Variants in PPP2R1B observed in about 807,000 individuals in gnomAD.
PPP2R1B encodes serine/threonine-protein phosphatase 2A 65 kDa regulatory subunit A beta isoform.
Under a neutral mutation model 72.7 loss-of-function variants are expected in PPP2R1B, and 58 were observed. The observed-to-expected ratio is 0.80, with a 90% CI of 0.65 to 0.99. The LOEUF (loss-of-function observed/expected upper bound fraction) is 0.99, where lower values mean the gene tolerates loss of function less well. Ranked by LOEUF, PPP2R1B falls within the 50% of genes least tolerant of loss-of-function variation. The probability of loss-of-function intolerance (pLI) is 0.00; values close to 1 mark genes in which losing one functional copy is unlikely to be tolerated. For missense variants in PPP2R1B, 695 were observed against 733.6 expected (o/e 0.95, Z 0.61); for synonymous variants, 256 against 264.6 (o/e 0.97, Z 0.32).
At chr11:111,726,880 G>T, downstream of PPP2R1B, 1 of 1,249,526 alleles carries the variant, frequency 8.0e-7, no homozygotes, top group African/African-American at 1.5e-5. Context: ...TTGGTGAGAT[G>T]AACGTGAGGT....
the PPP2R1B span, among the ~76,000 whole-genome samples, chr11:111,717,317 CAAAAAAAAAAA>C: frequency 2.0e-5 from 1 of 49,464 alleles, no homozygotes; most frequent in Non-Finnish European, 3.5e-5. Flanking sequence ...GACTCCGTCT[CAAAAAAAAAAA>C]AAAAAAAAAA....
At chr11:111,764,685 T>C in intron 3 of PPP2R1B, 120 bp downstream of exon 3, 4 of 963,294 alleles carry the variant, frequency 4.2e-6, no homozygotes, top group Non-Finnish European at 6.2e-6. Flanking sequence ...ACTAACATTA[T>C]GACTATCTGC....
chr11:111,752,765 G>C lies in PPP2R1B; in HGVS notation c.1165-433C>G, dbSNP rs558663582. Among the ~76,000 whole-genome samples, 11 of 152,210 alleles carry C rather than the reference G, an allele frequency of 7.2e-5. No homozygotes were observed. The South Asian group carries it at 2.1e-3, about 29-fold the overall frequency. Reference sequence around the variant, plus strand: ...CCGAGACGGGCAGATCACGAGGTCAGGAGATCGAGACCACAGTGAAACCCC... The same window carrying C: ...CCGAGACGGGCAGATCACGAGGTCACGAGATCGAGACCACAGTGAAACCCC... On this transcript the variant is annotated intron_variant, in intron 9 of 14. Transcript: ENST00000527614.
At chr11:111,742,897 T>C (rs77857216) in intron 12 of PPP2R1B, among the ~76,000 whole-genome samples, 1 of 151,768 alleles carries the variant, frequency 6.6e-6, no homozygotes, top group African/African-American at 2.4e-5. Flanking sequence ...TTTTTTTTTT[T>C]CAGGCGGAGT....
At chr11:111,758,901 A>T (rs1417755786) in intron 5 of PPP2R1B, among the ~76,000 whole-genome samples, 1 of 152,188 alleles carries the variant, frequency 6.6e-6, no homozygotes. Context: ...TAGGATTTAG[A>T]TCTTTAGATT....
In PPP2R1B at chr11:111,739,331, T is replaced by G. The variant is rs1944442045; in HGVS notation, c.*2265A>C. ...AAATCAAGATAGGAGAACTTTTCCC[T>G]TAAGTTTAAGGTAGTTAAAAAAAAA... On this transcript the variant is annotated 3_prime_UTR_variant, in exon 15 of 15. Transcript: ENST00000527614. The G allele has an allele frequency of 3.1e-6, 3 of 961,030 alleles. No individual in the cohort carries two copies. The highest frequency in any genetic ancestry group is 3.7e-6 in the Non-Finnish European group (3 of 819,516). 59.5% of individuals were successfully genotyped at this position (961,030 alleles called of 1,614,324 possible).
chr11:111,764,927 CTCA>C (rs1945466177), intron 2 of PPP2R1B, 22 bp from the exon 3 acceptor site: 1 of 1,612,150 alleles, frequency 6.2e-7, no homozygotes, highest in African/African-American at 1.3e-5. Flanking sequence ...AACAACAGGA[CTCA>C]TCAACATGGA....
At chr11:111,733,054 G>A (rs907259852), downstream of PPP2R1B, among the ~76,000 whole-genome samples, 2 of 152,198 alleles carry the variant, frequency 1.3e-5, no homozygotes, top group African/African-American at 4.8e-5. Context: ...CTCAGACACA[G>A]GGGCCACTGG....
At chr11:111,755,221 G>C in intron 6 of PPP2R1B, 74 bp downstream of exon 6, 1 of 1,542,694 alleles carries the variant, frequency 6.5e-7, no homozygotes, top group Non-Finnish European at 8.7e-7. Context: ...AATTAATTCA[G>C]AAACTTTGGG....
At chr11:111,766,107 T>G in intron 1 of PPP2R1B, 141 bp downstream of exon 1, 1 of 775,246 alleles carries the variant, frequency 1.3e-6, no homozygotes, top group Non-Finnish European at 2.1e-6. Flanking sequence ...TCGCGGAGCA[T>G]TCCCCGCCTC....
At chr11:111,747,876 CTG>C in intron 11 of PPP2R1B, 76 bp downstream of exon 11, 8 of 1,395,046 alleles carry the variant, frequency 5.7e-6, no homozygotes, top group Non-Finnish European at 6.0e-6. Context: ...TCTGGTCAGA[CTG>C]AGATTCCTTT....
the PPP2R1B span, among the ~76,000 whole-genome samples, chr11:111,715,802 T>C: frequency 7.1e-6 from 1 of 140,944 alleles, no homozygotes; most frequent in Non-Finnish European, 1.5e-5. Flanking sequence ...GCTTTTTTTT[T>C]TTTTTTTTTT....
the PPP2R1B span, among the ~76,000 whole-genome samples, chr11:111,717,862 A>T: frequency 1.3e-5 from 2 of 152,180 alleles, no homozygotes; most frequent in Admixed American, 1.3e-4. Flanking sequence ...GTTCTCACGT[A>T]TAAGTAGGAG....
At chr11:111,725,209 A>G (rs1322393199), downstream of PPP2R1B, 1 of 152,646 alleles carries the variant, frequency 6.6e-6, no homozygotes, top group Non-Finnish European at 1.5e-5. Context: ...TCTTTTCTGT[A>G]GAAACCAACA....
chr11:111,757,100 C>T (rs556139078), intron 5 of PPP2R1B, among the ~76,000 whole-genome samples: 7 of 114,334 alleles, frequency 6.1e-5, no homozygotes, highest in African/African-American at 2.4e-4. Context: ...GGTGACAGAG[C>T]AAAACTCCAA....
intron 5 of PPP2R1B, among the ~76,000 whole-genome samples, 185 bp downstream of exon 5, chr11:111,759,619 A>G (rs782284709): frequency 2.6e-5 from 4 of 152,216 alleles, no homozygotes; most frequent in Non-Finnish European, 4.4e-5. Flanking sequence ...GAGAGAAATC[A>G]TGGTCTGGTT....
Position 111,738,004 on chromosome 11 carries a change from T to C in PPP2R1B, c.*3592A>G. The C allele has an allele frequency of 9.9e-7, 1 of 1,008,694 alleles. No individual in the cohort carries two copies. Among genetic ancestry groups the C allele is most frequent in the East Asian group, 9.3e-5 (1 of 10,776 alleles). 62.5% of individuals were successfully genotyped at this position (1,008,694 alleles called of 1,614,324 possible). A position where few individuals can be genotyped will look rare whatever the true frequency, so the allele number is the denominator to read the frequency against. The stretch of plus-strand genomic sequence containing the variant: ...TCCATCCCAACTGAACGTTATGTAA[T>C]TTCCTGGAAACAGCAGGCTCGTGGA... On this transcript the variant is annotated 3_prime_UTR_variant, in exon 15 of 15. Transcript: ENST00000527614.
downstream of PPP2R1B, among the ~76,000 whole-genome samples, chr11:111,723,207 G>A: frequency 6.6e-6 from 1 of 152,166 alleles, no homozygotes; most frequent in Non-Finnish European, 1.5e-5. Flanking sequence ...TCCCCTTCTA[G>A]CCTCTCCAGA....
Position 111,755,419 on chromosome 11 carries a change from CA to C in PPP2R1B, c.718del (p.Cys240ValfsTer17). 6.2e-7 allele frequency: 1 copy of C among 1,609,404 alleles called. No homozygotes were observed. Among genetic ancestry groups the C allele is most frequent in the Non-Finnish European group, 8.5e-7 (1 of 1,178,928 alleles). ...DSVRLLAVEA[C>X]VSIAQLLSQD... The stretch of plus-strand genomic sequence containing the variant: ...AGACAATAACTGGGCAATACTGACA[CA>C]AGCTTCCACAGCAAGGAGGCGCACT... On this transcript the variant is annotated frameshift_variant, in exon 6 of 15. Transcript: ENST00000527614. LOFTEE classifies it high-confidence loss of function.
Sources: gnomAD v4.1 joint callset for allele counts (sites outside exome capture counted in the v4.1 genomes callset) on GRCh38, gnomAD v4.1.1 for gene constraint, MANE v1.5 for transcripts, NCBI Gene and HGNC (gene_info 2026-07-23, HGNC 2026-07-21) for gene names.